The following GPC1 variants were observed in gnomAD, a reference collection of about 807,000 sequenced individuals.
The protein encoded by GPC1 is glypican 1, also known as glypican-1.
GPC1 carries 26 observed loss-of-function variants against 51.5 expected under a neutral mutation model. That is an observed-to-expected ratio of 0.50 (90% CI 0.37 to 0.70). GPC1 has a LOEUF of 0.70. GPC1 is among the 30% of genes least tolerant of loss of function. The pLI, the probability that GPC1 is intolerant of heterozygous loss-of-function variation, is 0.00. For synonymous variants in GPC1, 380 were observed against 348.3 expected (o/e 1.09, Z -1.01); for missense variants, 775 against 800.5 (o/e 0.97, Z 0.38).
rs1296245610 is a variant in GPC1 at position 240,435,975 on chromosome 2, C to G, written c.57C>G (p.Ala19=). The G allele has an allele frequency of 7.4e-7, 1 of 1,355,670 alleles. No individual in the cohort carries two copies. Among genetic ancestry groups the G allele is most frequent in the Admixed American group, 3.1e-5 (1 of 32,590 alleles). 84.0% of individuals were successfully genotyped at this position (1,355,670 alleles called of 1,614,324 possible). ...TATGTGCGGCCGCAGCGCTGGTCGCCTGCGCCCGCGGGGACCCGGCCAGCA... is the reference window on the plus strand; with the variant it reads ...TATGTGCGGCCGCAGCGCTGGTCGCGTGCGCCCGCGGGGACCCGGCCAGCA... ...WLLCAAAALV[A]CARGDPASKS... is the part of the protein sequence containing the mutation. Residue 19 remains alanine (A), a synonymous_variant, in exon 1 of 9, where the codon GCC becomes GCG. Coordinates refer to ENST00000264039, the MANE Select transcript of GPC1 (RefSeq NM_002081.3).
chr2:240,440,441 GC>G lies in GPC1; in HGVS notation c.166+4358del, dbSNP rs1184835888. Among the ~76,000 whole-genome samples the G allele has an allele frequency of 2.6e-5, 4 of 152,220 alleles. No homozygotes were observed. The South Asian group carries it at 8.3e-4, about 31-fold the overall frequency. On this transcript the variant is annotated intron_variant, in intron 1 of 8. Transcript: ENST00000264039. The stretch of plus-strand genomic sequence containing the variant: ...GGCCAGGCTGCTTGTCCCAGGCTCT[GC>G]ACTTCTTGGAAGGCTCGTGCTTTTC...
chr2:240,439,995 C>T (rs1455817623), intron 1 of GPC1, among the ~76,000 whole-genome samples: 1 of 152,230 alleles, frequency 6.6e-6, no homozygotes, highest in Non-Finnish European at 1.5e-5. Context: ...CAGCACTCCT[C>T]AGGCACAGAT....
Position 240,466,385 on chromosome 2 carries a change from G to C in GPC1, c.*95G>C. The C allele has an allele frequency of 1.3e-6, 1 of 740,774 alleles. No individual in the cohort carries two copies. The highest frequency in any genetic ancestry group is 2.4e-5 in the Admixed American group (1 of 40,890). The allele number at this position is 740,774 out of a possible 1,614,324, so 45.9% of individuals were successfully genotyped here. A position where few individuals can be genotyped will look rare whatever the true frequency, so the allele number is the denominator to read the frequency against. On this transcript the variant is annotated 3_prime_UTR_variant, in exon 9 of 9. Transcript: ENST00000264039. ...ATTCACCTCAGCCTGGAGAGGCCTGGGGTGGGACAGGGAGGGCCGGCGGCT... is the reference window on the plus strand; with the variant it reads ...ATTCACCTCAGCCTGGAGAGGCCTGCGGTGGGACAGGGAGGGCCGGCGGCT...
At chr2:240,439,168 G>A (rs533219914) in intron 1 of GPC1, among the ~76,000 whole-genome samples, 95 of 152,254 alleles carry the variant, frequency 6.2e-4, no homozygotes, top group Non-Finnish European at 1.1e-3. Flanking sequence ...CTCCCTGGTC[G>A]CTGGGACCAC....
chr2:240,438,971 G>A (rs955212276), intron 1 of GPC1, among the ~76,000 whole-genome samples: 2 of 152,132 alleles, frequency 1.3e-5, no homozygotes, highest in African/African-American at 2.4e-5. Flanking sequence ...GTGCCCCTGC[G>A]CTGCCAGGAG....
rs1170782391 is a variant in GPC1, at chr2:240,459,160, G to C, written c.297G>C (p.Met99Ile). The C allele has an allele frequency of 1.2e-6, 2 of 1,612,346 alleles. No individual in the cohort carries two copies. Among genetic ancestry groups the C allele is most frequent in the East Asian group, 4.5e-5 (2 of 44,884 alleles). Residue 99 changes from methionine (M) to isoleucine (I), a missense_variant, in exon 2 of 9, where the codon ATG becomes ATC. Transcript: ENST00000264039. The part of the protein sequence containing the change: ...LRDSSRVLQA[M>I]LATQLRSFDD... ...ACAGCAGCCGCGTCCTGCAGGCCAT[G>C]CTTGCCACCCAGCTGCGCAGCTTCG...
At chr2:240,445,950 C>T (rs2074047461) in intron 1 of GPC1, among the ~76,000 whole-genome samples, 1 of 152,232 alleles carries the variant, frequency 6.6e-6, no homozygotes, top group Non-Finnish European at 1.5e-5. Flanking sequence ...GTATCACATT[C>T]TGGTAACTGC....
Position 240,467,595 on chromosome 2 carries a change from G to C in GPC1, c.*1305G>C, listed in dbSNP as rs1035107460. ...GGTGTTGGGAAGGGGTCCTGCAGGG[G>C]GAGGAGGACTTGGAGGGTCTGGGGG... On this transcript the variant is annotated 3_prime_UTR_variant, in exon 9 of 9. Coordinates refer to ENST00000264039, the MANE Select transcript of GPC1 (RefSeq NM_002081.3). 3 of 152,514 alleles carry C rather than the reference G, an allele frequency of 2.0e-5. No individual in the cohort carries two copies. Among genetic ancestry groups the C allele is most frequent in the African/African-American group, 7.2e-5 (3 of 41,466 alleles). The allele number at this position is 152,514 out of a possible 1,614,324, so 9.4% of individuals were successfully genotyped here. A position where few individuals can be genotyped will look rare whatever the true frequency, so the allele number is the denominator to read the frequency against.
chr2:240,440,851 C>T (rs2074012755), intron 1 of GPC1, among the ~76,000 whole-genome samples: 1 of 152,276 alleles, frequency 6.6e-6, no homozygotes, highest in African/African-American at 2.4e-5. Context: ...GTCGTACTTC[C>T]ACACAGCTGG....
In GPC1 at chr2:240,466,279, C is replaced by G. The variant is rs759606362; in HGVS notation, c.1666C>G (p.Arg556Gly). The G allele has an allele frequency of 1.0e-5, 16 of 1,589,244 alleles. No homozygotes were observed. The highest frequency in any genetic ancestry group is 1.4e-5 in the Non-Finnish European group (16 of 1,158,320). The change falls in exon 9 of 9, where the codon CGG becomes GGG. Residue 556 changes from arginine to glycine, a missense_variant. Arg to Gly is a moderately radical substitution (Grantham distance 125). Transcript: ENST00000264039. Reference sequence around the variant, plus strand: ...CCTGGCCCTTACAGTAGCCAGGCCCCGGTGGCGGTAACTGCCCCAAGGCCC... The same window carrying G: ...CCTGGCCCTTACAGTAGCCAGGCCCGGGTGGCGGTAACTGCCCCAAGGCCC... ...LFLALTVARP[R>G]WR
intron 2 of GPC1, among the ~76,000 whole-genome samples, chr2:240,459,688 G>A (rs537639504): frequency 2.0e-5 from 3 of 152,262 alleles, no homozygotes; most frequent in South Asian, 2.1e-4. Flanking sequence ...CCTTTATATC[G>A]GGGCAGGAGT....
At chr2:240,457,512 T>C in intron 1 of GPC1, 1 of 464,198 alleles carries the variant, frequency 2.2e-6, no homozygotes, top group Admixed American at 2.4e-5. Context: ...TGGCCTCTAG[T>C]GGGTAAGGGC....
intron 4 of GPC1, 160 bp from the exon 5 acceptor site, chr2:240,464,454 ATG>A: frequency 2.3e-6 from 2 of 879,202 alleles, no homozygotes; most frequent in Non-Finnish European, 1.8e-6. Flanking sequence ...TGGCCTGCAC[ATG>A]TCACACGGGC....
intron 1 of GPC1, chr2:240,455,997 C>T: frequency 4.6e-6 from 2 of 430,206 alleles, no homozygotes; most frequent in South Asian, 1.6e-5. Flanking sequence ...CCGGGGGCTC[C>T]CAGGCCGGCG....
Position 240,464,734 on chromosome 2 carries a change from G to A in GPC1, c.1002G>A (p.Thr334=), listed in dbSNP as rs145844897. The part of the protein sequence containing the change: ...AINALQDNRD[T]LTAKVIQGCG... ...ACGCCCTCCAGGACAACAGGGACACGCTCACGGCCAAGGTGCGGGCAGGAG... is the reference window on the plus strand; with the variant it reads ...ACGCCCTCCAGGACAACAGGGACACACTCACGGCCAAGGTGCGGGCAGGAG... The change falls in exon 5 of 9, where the codon ACG becomes ACA. Residue 334 remains threonine (T), a synonymous_variant. Transcript: ENST00000264039. 9.9e-4 allele frequency: 1,597 copies of A among 1,608,926 alleles called. 17 individuals carry two copies. In the African/African-American group the frequency reaches 0.018, roughly 18 times the overall value.
chr2:240,461,095 C>T (rs1489569346), intron 2 of GPC1, among the ~76,000 whole-genome samples: 1 of 152,244 alleles, frequency 6.6e-6, no homozygotes, highest in African/African-American at 2.4e-5. Flanking sequence ...TGGGCTAATG[C>T]ATGAACCACA....
At chr2:240,438,358 G>C (rs2073996870) in intron 1 of GPC1, among the ~76,000 whole-genome samples, 1 of 152,188 alleles carries the variant, frequency 6.6e-6, no homozygotes, top group African/African-American at 2.4e-5. Context: ...GACTCCCTCG[G>C]GTCGCAGCAG....
chr2:240,442,710 G>A (rs536949196), intron 1 of GPC1, among the ~76,000 whole-genome samples: 54 of 152,332 alleles, frequency 3.5e-4, no homozygotes, highest in Admixed American at 3.1e-3. Flanking sequence ...GGGTTTTGGG[G>A]GTACAGTTTA....
chr2:240,463,759 C>T lies in GPC1; in HGVS notation c.883+247C>T, dbSNP rs1182085226. The T allele has an allele frequency of 5.1e-5, 28 of 547,446 alleles. No individual in the cohort carries two copies. In the Admixed American group the frequency reaches 9.2e-4, roughly 18 times the overall value. The allele number at this position is 547,446 out of a possible 1,614,324, so 33.9% of individuals were successfully genotyped here. On this transcript the variant is annotated intron_variant, in intron 4 of 8. Coordinates refer to ENST00000264039, the MANE Select transcript of GPC1 (RefSeq NM_002081.3). Reference sequence around the variant, plus strand: ...GCCCTGTGGGGTCATAGTTTCTTGTCCTTCCCCACTTAGCAAGCACCTCGG... The same window carrying T: ...GCCCTGTGGGGTCATAGTTTCTTGTTCTTCCCCACTTAGCAAGCACCTCGG...
Sources: gnomAD v4.1 joint callset for allele counts (sites outside exome capture counted in the v4.1 genomes callset) on GRCh38, gnomAD v4.1.1 for gene constraint, MANE v1.5 for transcripts, NCBI Gene and HGNC (gene_info 2026-07-23, HGNC 2026-07-21) for gene names.